The following REV3L variants were observed in gnomAD, a reference collection of about 807,000 sequenced individuals.
The protein encoded by REV3L is REV3 like, DNA directed polymerase zeta catalytic subunit.
Under a neutral mutation model 299.4 loss-of-function variants are expected in REV3L, and 69 were observed. The ratio of observed to expected loss-of-function variants is 0.23; its 90% CI spans 0.19 to 0.28. REV3L has a LOEUF of 0.28. Among genes scored for constraint, REV3L ranks in the 10% least tolerant of loss-of-function variants. The probability of loss-of-function intolerance (pLI) is 1.00; values close to 1 mark genes in which losing one functional copy is unlikely to be tolerated. For synonymous variants in REV3L, 1,238 were observed against 1,271.4 expected, an observed-to-expected ratio of 0.97 and a Z score of 0.56; for missense variants, 3,128 against 3,693.8, an observed-to-expected ratio of 0.85 and a Z score of 3.97.
At chr6:111,435,093 T>A (rs1787395536) in intron 1 of REV3L, among the ~76,000 whole-genome samples, 1 of 152,100 alleles carries the variant, frequency 6.6e-6, no homozygotes, top group African/African-American at 2.4e-5. Flanking sequence ...TAGTCCCAGC[T>A]ACTGGGGAGG....
At chr6:111,460,669 G>C (rs1213356481) in intron 1 of REV3L, among the ~76,000 whole-genome samples, 6 of 150,544 alleles carry the variant, frequency 4.0e-5, no homozygotes. Context: ...AGAAAACTTG[G>C]ATCTACACAA....
At chr6:111,432,363 G>GA (rs1335770640) in intron 1 of REV3L, among the ~76,000 whole-genome samples, 5 of 152,128 alleles carry the variant, frequency 3.3e-5, no homozygotes, top group Admixed American at 6.5e-5. Context: ...GTGAAAGGCT[G>GA]AAAAAAGATA....
chr6:111,300,174 A>T lies in REV3L; in HGVS notation c.9253-18T>A, dbSNP rs1771322457. On this transcript the variant is annotated intron_variant, in intron 31 of 31. Coordinates refer to ENST00000368802, the MANE Select transcript of REV3L (RefSeq NM_001372078.1). ...TTGCATATCTGAAAGCATAAGAGAA[A>T]TACAAAAAATAATAGGAAAGTTTTT... 6.5e-7 allele frequency: 1 copy of T among 1,545,538 alleles called. No homozygotes were observed. Among genetic ancestry groups the T allele is most frequent in the Non-Finnish European group, 8.7e-7 (1 of 1,150,522 alleles).
At chr6:111,344,135 C>T in intron 20 of REV3L, 92 bp from the exon 21 acceptor site, 3 of 745,142 alleles carry the variant, frequency 4.0e-6, no homozygotes, top group Middle Eastern at 2.5e-4. Context: ...TTAAACTTTT[C>T]ATAGTAGATA....
intron 1 of REV3L, among the ~76,000 whole-genome samples, chr6:111,480,600 G>T (rs935854868): frequency 6.6e-6 from 1 of 152,056 alleles, no homozygotes; most frequent in Admixed American, 6.5e-5. Flanking sequence ...GTATGCCAAT[G>T]ACTTCAAATT....
At chr6:111,325,291 C>G (rs746885343) in intron 25 of REV3L, among the ~76,000 whole-genome samples, 1 of 151,984 alleles carries the variant, frequency 6.6e-6, no homozygotes, top group African/African-American at 2.4e-5. Context: ...TATGAATGAC[C>G]AATAATTTAG....
At chr6:111,441,003 G>C (rs772099696) in intron 1 of REV3L, among the ~76,000 whole-genome samples, 1 of 151,998 alleles carries the variant, frequency 6.6e-6, no homozygotes, top group Admixed American at 6.5e-5. Context: ...GGGTTTTTTC[G>C]CCTCTGGTTT....
At chr6:111,431,328 C>T (rs1019480175) in intron 1 of REV3L, 15 of 1,118,382 alleles carry the variant, frequency 1.3e-5, no homozygotes, top group South Asian at 1.2e-4. Flanking sequence ...ATGGAGATTA[C>T]AGAAGTAGAG....
chr6:111,455,218 TTGAAGTGTGAAG>T (rs1210335454), intron 1 of REV3L, among the ~76,000 whole-genome samples: 1 of 151,888 alleles, frequency 6.6e-6, no homozygotes, highest in Non-Finnish European at 1.5e-5. Flanking sequence ...CAGGACAGTC[TTGAAGTGTGAAG>T]AATTCACCAG....
chr6:111,463,560 T>C (rs1036521881), intron 1 of REV3L, among the ~76,000 whole-genome samples: 2 of 152,202 alleles, frequency 1.3e-5, no homozygotes, highest in African/African-American at 4.8e-5. Context: ...ATATACTTCT[T>C]AGAATTGATG....
At chr6:111,396,281 C>T in intron 4 of REV3L, among the ~76,000 whole-genome samples, 1 of 152,094 alleles carries the variant, frequency 6.6e-6, no homozygotes, top group East Asian at 1.9e-4. Flanking sequence ...CCCACTTCAG[C>T]CTTCCAAAGT....
At chr6:111,376,862 C>G in intron 12 of REV3L, 105 bp from the exon 13 acceptor site, 1 of 899,274 alleles carries the variant, frequency 1.1e-6, no homozygotes, top group Non-Finnish European at 1.6e-6. Flanking sequence ...AAAATTACAT[C>G]AAATTAAGTT....
Position 111,300,000 on chromosome 6 carries a change from CT to C in REV3L, c.*15del. On this transcript the variant is annotated 3_prime_UTR_variant, in exon 32 of 32. Coordinates refer to ENST00000368802, the MANE Select transcript of REV3L (RefSeq NM_001372078.1). ...ACTGAAAAAAATAGCACCTGTAATA[CT>C]GTGATATTGACAATTTAAAACTGGT... is the stretch of plus-strand genomic sequence containing the variant. The C allele has an allele frequency of 6.2e-7, 1 of 1,607,704 alleles. No homozygotes were observed. The highest frequency in any genetic ancestry group is 2.2e-5 in the East Asian group (1 of 44,758).
chr6:111,357,108 G>T lies in REV3L; in HGVS notation c.7090C>A (p.Pro2364Thr). 6.4e-7 allele frequency: 1 copy of T among 1,560,406 alleles called. No homozygotes were observed. The change falls in exon 18 of 32, where the codon CCA becomes ACA. Residue 2364 changes from proline (P) to threonine (T), a missense_variant. Pro to Thr is a conservative substitution (Grantham distance 38). Around this residue, in one of 9 missense-constraint regions of REV3L, gnomAD observed 82 missense variants for 142.7 expected, o/e 0.57. Transcript: ENST00000368802. ...VFSQDIRYQT[P>T]LLIRSGITGL... ...GTAATTCCAGATCTAATAAGTAATG[G>T]AGTCTGATATCTGATATCTAAAAAA...
In REV3L at chr6:111,411,492, G is replaced by A. The variant is rs781158965; in HGVS notation, c.392C>T (p.Thr131Ile). The A allele has an allele frequency of 2.5e-6, 4 of 1,580,554 alleles. No homozygotes were observed. Among genetic ancestry groups the A allele is most frequent in the Non-Finnish European group, 2.6e-6 (3 of 1,157,324 alleles). Residue 131 changes from threonine (T) to isoleucine (I), a missense_variant, in exon 3 of 32, where the codon ACA (threonine) becomes ATA (isoleucine). Around this residue, in one of 9 missense-constraint regions of REV3L, gnomAD observed 2,409 missense variants for 2,611.8 expected, o/e 0.92. Transcript: ENST00000368802. ...TTTATCTTTGTACCTTTTCACCATT[G>A]TAGGATTGTAAAGATAGATCTTCAT... ...HFMKIYLYNPTMVKRICELLQ... is the reference protein window; with the variant it reads ...HFMKIYLYNPIMVKRICELLQ...
chr6:111,380,510 C>T (rs554688189), intron 10 of REV3L, among the ~76,000 whole-genome samples: 5 of 152,268 alleles, frequency 3.3e-5, no homozygotes, highest in East Asian at 3.9e-4. Context: ...CTGCCTGCCT[C>T]GGCCTCCCAA....
chr6:111,385,939 A>G (rs1781302611), intron 9 of REV3L, among the ~76,000 whole-genome samples: 1 of 152,192 alleles, frequency 6.6e-6, no homozygotes, highest in Non-Finnish European at 1.5e-5. Context: ...TACATCTATT[A>G]TTTTATCCTT....
rs1273931429 is a variant in REV3L at position 111,373,714 on chromosome 6, T to C, written c.4641A>G (p.Thr1547=). Residue 1547 remains threonine (T), a synonymous_variant, in exon 13 of 32, where the codon ACA becomes ACG. Transcript: ENST00000368802. Reference sequence around the variant, plus strand: ...GATGTTTATTGGATAATGGGTCTTGTGTAGTATTTGCATTTTGTGCTTTCT... The same window carrying C: ...GATGTTTATTGGATAATGGGTCTTGCGTAGTATTTGCATTTTGTGCTTTCT... ...RQQKAQNANT[T]QDPLSNKHQP... 1 of 1,613,976 alleles carries C rather than the reference T, an allele frequency of 6.2e-7. No homozygotes were observed. The highest frequency in any genetic ancestry group is 8.5e-7 in the Non-Finnish European group (1 of 1,179,950).
Position 111,463,808 on chromosome 6 carries a change from A to T in REV3L, c.139+18942T>A, listed in dbSNP as rs371086471. ...TTCCAAGAACCTGTCATGGACATTAAGCAAGGACTTACTGTGTAACTCTTT... is the reference window on the plus strand; with the variant it reads ...TTCCAAGAACCTGTCATGGACATTATGCAAGGACTTACTGTGTAACTCTTT... On this transcript the variant is annotated intron_variant, in intron 1 of 31. Transcript: ENST00000368802. Among the ~76,000 whole-genome samples the T allele has an allele frequency of 5.8e-4, 88 of 152,338 alleles. No individual in the cohort carries two copies. The South Asian group carries it at 7.7e-3, about 13-fold the overall frequency.
Sources: allele counts gnomAD v4.1 joint callset (sites outside exome capture counted in the v4.1 genomes callset), GRCh38; gene constraint gnomAD v4.1.1; regional missense constraint gnomAD v4.1.1; transcripts MANE v1.5; gene names NCBI Gene and HGNC (gene_info 2026-07-23, HGNC 2026-07-21).